The following ADGRV1 variants were observed in gnomAD, a reference collection of about 807,000 sequenced individuals.
ADGRV1 encodes adhesion G protein-coupled receptor V1.
In ADGRV1, 359 loss-of-function variants were observed where a neutral mutation model predicts 596.2. The observed-to-expected ratio is 0.60, with a 90% CI of 0.55 to 0.66. ADGRV1 has a LOEUF of 0.66. ADGRV1 is among the 30% of genes least tolerant of loss of function. ADGRV1 has a pLI of 0.00. For missense variants in ADGRV1, 7,274 were observed against 7,575.6 expected (o/e 0.96, Z 1.48); for synonymous variants, 2,681 against 2,679.2 (o/e 1.00, Z -0.02).
At chr5:91,126,476 A>T (rs780125664) in intron 87 of ADGRV1, among the ~76,000 whole-genome samples, 2 of 152,234 alleles carry the variant, frequency 1.3e-5, no homozygotes, top group Non-Finnish European at 2.9e-5. Flanking sequence ...TAAAGGTTAC[A>T]TGCTTTGCCT....
chr5:90,563,683 T>C (rs573646065), intron 1 of ADGRV1, among the ~76,000 whole-genome samples: 1 of 152,360 alleles, frequency 6.6e-6, no homozygotes, highest in South Asian at 2.1e-4. Flanking sequence ...AATTCCTTTA[T>C]GCCAGAAAGA....
In ADGRV1 at chr5:90,771,248, C is replaced by A. The variant is rs115277383; in HGVS notation, c.12286-2938C>A. ...CTTTACTATCTTCGCAATCTTGGTTCTCTTGAGATATGGGAAGTAGCCACT... is the reference window on the plus strand; with the variant it reads ...CTTTACTATCTTCGCAATCTTGGTTATCTTGAGATATGGGAAGTAGCCACT... On this transcript the variant is annotated intron_variant, in intron 59 of 89. Transcript: ENST00000405460. Among the ~76,000 whole-genome samples, 400 of 152,104 alleles carry A rather than the reference C, an allele frequency of 2.6e-3. 4 individuals carry two copies. The highest frequency in any genetic ancestry group is 9.2e-3 in the African/African-American group (382 of 41,488).
intron 87 of ADGRV1, among the ~76,000 whole-genome samples, chr5:91,132,638 G>A (rs116016151): frequency 7.4e-4 from 112 of 152,344 alleles, no homozygotes; most frequent in African/African-American, 2.5e-3. Flanking sequence ...GAAGAATGCC[G>A]TCTAATTGGG....
At chr5:90,943,650 T>A (rs1029411576) in intron 83 of ADGRV1, among the ~76,000 whole-genome samples, 1 of 152,150 alleles carries the variant, frequency 6.6e-6, no homozygotes, top group Admixed American at 6.5e-5. Context: ...TCCAGCAGCA[T>A]CCTCCATCTA....
At chr5:91,076,557 G>C (rs1230282705) in intron 86 of ADGRV1, among the ~76,000 whole-genome samples, 2 of 151,964 alleles carry the variant, frequency 1.3e-5, no homozygotes, top group Non-Finnish European at 2.9e-5. Flanking sequence ...TGTAAAAATG[G>C]ATACCCAAGC....
chr5:90,728,403 G>A (rs1307017981), intron 48 of ADGRV1, among the ~76,000 whole-genome samples: 1 of 152,094 alleles, frequency 6.6e-6, no homozygotes. Flanking sequence ...ATTTGATACT[G>A]ATTTCTTTTC....
rs770165252 is a variant in ADGRV1, at chr5:90,728,788, T to G, written c.10281T>G (p.Asn3427Lys). 6 of 1,613,892 alleles carry G rather than the reference T, an allele frequency of 3.7e-6. No individual in the cohort carries two copies. Among genetic ancestry groups the G allele is most frequent in the African/African-American group, 1.3e-5 (1 of 74,934 alleles). ...GSVFLAISQA[N>K]ARLNSLLFRW... is the part of the protein sequence containing the mutation. ...TGTTCTTAGCCATTTCCCAGGCTAA[T>G]GCCAGGCTAAACTCCCTTTTATTCA... The change falls in exon 49 of 90, where the codon AAT becomes AAG. Residue 3427 changes from asparagine to lysine, a missense_variant. Transcript: ENST00000405460.
At chr5:91,156,901 A>G (rs1796524571) in intron 89 of ADGRV1, among the ~76,000 whole-genome samples, 1 of 152,242 alleles carries the variant, frequency 6.6e-6, no homozygotes, top group African/African-American at 2.4e-5. Context: ...TGTTTGATCC[A>G]TATAACATCT....
At chr5:91,028,735 T>G (rs1272222890) in intron 85 of ADGRV1, among the ~76,000 whole-genome samples, 1 of 146,882 alleles carries the variant, frequency 6.8e-6, no homozygotes, top group Non-Finnish European at 1.5e-5. Context: ...AGACTCTGTT[T>G]TTTTTTTTTT....
intron 29 of ADGRV1, 65 bp from the exon 30 acceptor site, chr5:90,689,796 C>T: frequency 1.8e-6 from 2 of 1,101,996 alleles, no homozygotes; most frequent in South Asian, 1.5e-5. Flanking sequence ...ATAGTTTTTC[C>T]CTAGTATATG....
At chr5:90,933,558 T>G (rs1047990949) in intron 83 of ADGRV1, among the ~76,000 whole-genome samples, 21 of 152,210 alleles carry the variant, frequency 1.4e-4, no homozygotes, top group Middle Eastern at 6.8e-3. Context: ...CCTAGTAGAA[T>G]TTTTCTCCAA....
chr5:90,686,720 G>GTA, intron 29 of ADGRV1, among the ~76,000 whole-genome samples: 1 of 152,160 alleles, frequency 6.6e-6, no homozygotes, highest in Admixed American at 6.5e-5. Flanking sequence ...AGTCCTTTGG[G>GTA]TATATACTCA....
At chr5:90,801,295 G>A (rs1761347560) in intron 70 of ADGRV1, among the ~76,000 whole-genome samples, 1 of 152,074 alleles carries the variant, frequency 6.6e-6, no homozygotes, top group Non-Finnish European at 1.5e-5. Context: ...ACCGCTCCCT[G>A]GGGATCTGCC....
At chr5:90,684,547 C>T (rs1215723125) in intron 28 of ADGRV1, among the ~76,000 whole-genome samples, 1 of 152,100 alleles carries the variant, frequency 6.6e-6, no homozygotes, top group Non-Finnish European at 1.5e-5. Flanking sequence ...TTAGAAACAA[C>T]AGACATTTTT....
At chr5:91,109,264 T>C (rs1462383470) in intron 87 of ADGRV1, among the ~76,000 whole-genome samples, 1 of 152,178 alleles carries the variant, frequency 6.6e-6, no homozygotes, top group Non-Finnish European at 1.5e-5. Context: ...AATTAAACTG[T>C]TGGATATCAA....
In ADGRV1 at chr5:90,783,148, T is replaced by C. The variant is rs1759037562; in HGVS notation, c.13256T>C (p.Met4419Thr). ...GTGGAGGAAGATGTTGGGCTGATCA[T>C]GATCCCAGTGGTGAGGCTACATGGA... Reference protein sequence around the residue: ...FEVEEDVGLIMIPVVRLHGTY... With the variant: ...FEVEEDVGLITIPVVRLHGTY... The change falls in exon 66 of 90, where the codon ATG becomes ACG. Residue 4419 changes from methionine (M) to threonine (T), a missense_variant. By Grantham distance (81) the Met-to-Thr change is moderately conservative. This residue lies in a region of ADGRV1 where 3,643 missense variants were observed against 3,809.2 expected (regional missense o/e 0.96). Transcript: ENST00000405460. 1 of 1,613,600 alleles carries C rather than the reference T, an allele frequency of 6.2e-7. No homozygotes were observed. The highest frequency in any genetic ancestry group is 8.5e-7 in the Non-Finnish European group (1 of 1,179,600).
At chr5:90,826,867 T>A (rs747851537) in intron 76 of ADGRV1, among the ~76,000 whole-genome samples, 1 of 152,180 alleles carries the variant, frequency 6.6e-6, no homozygotes, top group Non-Finnish European at 1.5e-5. Flanking sequence ...CACTTTTGAA[T>A]TATGAAGAAT....
intron 11 of ADGRV1, 120 bp from the exon 12 acceptor site, chr5:90,642,516 A>T (rs1472959849): frequency 2.2e-5 from 23 of 1,056,374 alleles, no homozygotes; most frequent in Non-Finnish European, 3.0e-5. Context: ...TTAAGGTCTA[A>T]TTCCTCATAG....
chr5:90,838,730 A>T (rs1765178252), intron 77 of ADGRV1, among the ~76,000 whole-genome samples: 1 of 152,080 alleles, frequency 6.6e-6, no homozygotes, highest in South Asian at 2.1e-4. Context: ...CCAATATCAA[A>T]TTCATCAGAA....
Sources: allele counts gnomAD v4.1 joint callset (sites outside exome capture counted in the v4.1 genomes callset), GRCh38; gene constraint gnomAD v4.1.1; regional missense constraint gnomAD v4.1.1; transcripts MANE v1.5; gene names NCBI Gene and HGNC (gene_info 2026-07-23, HGNC 2026-07-21).